ROPN1L: variants seen among roughly 807,000 people sequenced by gnomAD.
The protein encoded by ROPN1L is ropporin-1-like protein.
ROPN1L carries 23 observed loss-of-function variants against 22.7 expected under a neutral mutation model. The ratio of observed to expected loss-of-function variants is 1.01; its 90% confidence interval spans 0.73 to 1.43. The LOEUF (loss-of-function observed/expected upper bound fraction) is 1.43, where lower values mean the gene tolerates loss of function less well. Ranked by LOEUF, ROPN1L falls within the 40% of genes most tolerant of loss-of-function variation. The pLI, the probability that ROPN1L is intolerant of heterozygous loss-of-function variation, is 0.00. For synonymous variants in ROPN1L, 116 were observed against 117.8 expected (o/e 0.98, Z 0.10); for missense variants, 271 against 291.5 (o/e 0.93, Z 0.51).
rs1452440142 is a variant in ROPN1L, at chr5:10,453,607, C to T, written c.417+3494C>T. On this transcript the variant is annotated intron_variant, in intron 3 of 4. Transcript: ENST00000274134. ...ACATAGGATGCTGTGTAATTGGTGG[C>T]TAGCCGCTGCCTGCGTGAGCGGGAT... Among the ~76,000 whole-genome samples the T allele has an allele frequency of 2.0e-5, 3 of 152,212 alleles. No homozygotes were observed. The East Asian group carries it at 5.8e-4, about 29-fold the overall frequency.
chr5:10,461,827 A>G (rs1735036751), intron 4 of ROPN1L, among the ~76,000 whole-genome samples: 1 of 152,240 alleles, frequency 6.6e-6, no homozygotes, highest in African/African-American at 2.4e-5. Context: ...AGGATATTTT[A>G]AAGGCTACCA....
chr5:10,463,427 G>A (rs543043662), intron 4 of ROPN1L, among the ~76,000 whole-genome samples: 8 of 152,326 alleles, frequency 5.3e-5, no homozygotes, highest in South Asian at 4.1e-4. Context: ...GGTGACAACC[G>A]CAGGGTCCGG....
chr5:10,461,562 T>A, intron 4 of ROPN1L: 1 of 546,636 alleles, frequency 1.8e-6, no homozygotes, highest in East Asian at 3.2e-5. Context: ...AGACACCAGC[T>A]GTGCATTCTC....
At chr5:10,446,231 C>G (rs1420423915) in intron 1 of ROPN1L, among the ~76,000 whole-genome samples, 1 of 152,190 alleles carries the variant, frequency 6.6e-6, no homozygotes, top group Admixed American at 6.5e-5. Context: ...GCAGGCATTT[C>G]CAGCCTCGGC....
In ROPN1L at chr5:10,451,864, A is replaced by G. The variant is rs370734134; in HGVS notation, c.417+1751A>G. Among the ~76,000 whole-genome samples the G allele has an allele frequency of 5.3e-5, 8 of 152,330 alleles. No homozygotes were observed. The East Asian group carries it at 1.5e-3, about 29-fold the overall frequency. On this transcript the variant is annotated intron_variant, in intron 3 of 4. Transcript: ENST00000274134. ...CTCAGGGGTATTATCAAGATAGACA[A>G]AGGCAAATACTTTTAATTATTGGAG...
chr5:10,475,771 A>T (rs181686947), downstream of ROPN1L, among the ~76,000 whole-genome samples: 314 of 152,308 alleles, frequency 2.1e-3, 1 homozygote, highest in African/African-American at 7.1e-3. Flanking sequence ...TACAGAAAGT[A>T]ATGGACTCAG....
chr5:10,456,438 A>G lies in ROPN1L; in HGVS notation c.418-4746A>G, dbSNP rs1011006431. ...AGGAGGCGGAGGTTGCAGTCAGCCAAGATCGCATCACTGAACTCCAGCCTG... is the reference window on the plus strand; with the variant it reads ...AGGAGGCGGAGGTTGCAGTCAGCCAGGATCGCATCACTGAACTCCAGCCTG... On this transcript the variant is annotated intron_variant, in intron 3 of 4. Coordinates refer to ENST00000274134, the MANE Select transcript of ROPN1L (RefSeq NM_031916.5). Among the ~76,000 whole-genome samples the G allele has an allele frequency of 2.0e-5, 3 of 152,230 alleles. No homozygotes were observed. The South Asian group carries it at 6.2e-4, about 31-fold the overall frequency.
At chr5:10,462,010 T>A (rs1735040840) in intron 4 of ROPN1L, among the ~76,000 whole-genome samples, 1 of 152,122 alleles carries the variant, frequency 6.6e-6, no homozygotes, top group Non-Finnish European at 1.5e-5. Flanking sequence ...GCCCTGTCCT[T>A]TTAGGGTTTC....
chr5:10,456,229 G>C (rs1741418518), intron 3 of ROPN1L, among the ~76,000 whole-genome samples: 1 of 152,204 alleles, frequency 6.6e-6, no homozygotes, highest in Admixed American at 6.5e-5. Context: ...GCTCACGCCT[G>C]TAATCCCAGC....
intron 1 of ROPN1L, among the ~76,000 whole-genome samples, chr5:10,444,162 C>T (rs971003613): frequency 6.6e-6 from 1 of 152,148 alleles, no homozygotes; most frequent in Non-Finnish European, 1.5e-5. Context: ...ATTATTCAAG[C>T]TTAAATAAAA....
intron 3 of ROPN1L, among the ~76,000 whole-genome samples, chr5:10,457,132 C>T (rs958088817): frequency 1.3e-5 from 2 of 152,192 alleles, no homozygotes; most frequent in African/African-American, 4.8e-5. Flanking sequence ...GGTCCTGGAG[C>T]GGTGCCTGCA....
downstream of ROPN1L, among the ~76,000 whole-genome samples, chr5:10,473,924 G>A (rs1008364161): frequency 6.6e-6 from 1 of 152,134 alleles, no homozygotes; most frequent in African/African-American, 2.4e-5. Flanking sequence ...GGCTGAGGCA[G>A]GTGGATCTCC....
chr5:10,472,205 T>C (rs1735257449), downstream of ROPN1L, among the ~76,000 whole-genome samples: 1 of 151,320 alleles, frequency 6.6e-6, no homozygotes, highest in Non-Finnish European at 1.5e-5. Context: ...ATTTATTATG[T>C]ATTAAGTCCA....
Position 10,442,156 on chromosome 5 carries a change from C to T in ROPN1L, c.-12C>T. The T allele has an allele frequency of 6.2e-7, 1 of 1,612,884 alleles. No individual in the cohort carries two copies. Among genetic ancestry groups the T allele is most frequent in the South Asian group, 1.1e-5 (1 of 91,048 alleles). ...CCGCGATTCACCAGCCTGGTCCCTTCTGCGGAGAGCGATGCCGCTTCCCGA... is the reference window on the plus strand; with the variant it reads ...CCGCGATTCACCAGCCTGGTCCCTTTTGCGGAGAGCGATGCCGCTTCCCGA... On this transcript the variant is annotated 5_prime_UTR_variant, in exon 1 of 5. Coordinates refer to ENST00000274134, the MANE Select transcript of ROPN1L (RefSeq NM_031916.5).
At chr5:10,472,708 G>A (rs887316181), downstream of ROPN1L, among the ~76,000 whole-genome samples, 2 of 152,202 alleles carry the variant, frequency 1.3e-5, no homozygotes, top group Non-Finnish European at 2.9e-5. Context: ...TGTTCACCAG[G>A]AGGGTGGGGA....
chr5:10,446,419 G>T (rs984002087), intron 1 of ROPN1L, among the ~76,000 whole-genome samples: 2 of 152,226 alleles, frequency 1.3e-5, no homozygotes, highest in Non-Finnish European at 2.9e-5. Context: ...AGCATTTTGG[G>T]AGGCTGAGGC....
downstream of ROPN1L, among the ~76,000 whole-genome samples, chr5:10,472,477 G>T (rs916986748): frequency 1.3e-5 from 2 of 152,188 alleles, no homozygotes; most frequent in Non-Finnish European, 2.9e-5. Context: ...TTTCGGCTTG[G>T]TGCTGGGAGA....
intron 4 of ROPN1L, chr5:10,471,770 C>G (rs1735250359): frequency 6.6e-6 from 1 of 152,380 alleles, no homozygotes; most frequent in Non-Finnish European, 1.5e-5. Flanking sequence ...GGATAAATAC[C>G]CTCCTTCCAT....
intron 4 of ROPN1L, among the ~76,000 whole-genome samples, chr5:10,462,630 A>C (rs1735056250): frequency 6.6e-6 from 1 of 152,216 alleles, no homozygotes; most frequent in South Asian, 2.1e-4. Context: ...ACGGTGCCTC[A>C]CGCCTGTAAT....
Sources: allele counts gnomAD v4.1 joint callset (sites outside exome capture counted in the v4.1 genomes callset), GRCh38; gene constraint gnomAD v4.1.1; transcripts MANE v1.5; gene names NCBI Gene and HGNC (gene_info 2026-07-23, HGNC 2026-07-21).